The following ZSCAN29 variants were observed in gnomAD, a reference collection of about 807,000 sequenced individuals.
The protein encoded by ZSCAN29 is zinc finger and SCAN domain containing 29.
In ZSCAN29, 55 loss-of-function variants were observed where a neutral mutation model predicts 71.9. That is an observed-to-expected ratio of 0.76 (90% CI 0.62 to 0.96). The LOEUF (loss-of-function observed/expected upper bound fraction) is 0.96. Among genes scored for constraint, ZSCAN29 ranks in the 40% least tolerant of loss-of-function variants. ZSCAN29 has a pLI of 0.00. For synonymous variants in ZSCAN29, 351 were observed against 371.6 expected (o/e 0.94, Z 0.64); for missense variants, 1,042 against 1,042.2 (o/e 1.00, Z 0.00).
chr15:43,370,995 C>CCCGGCCCCGGCCCCGGCT lies in ZSCAN29; in HGVS notation c.-551_-550insAGCCGGGGCCGGGGCCGG, dbSNP rs2044105656. The CCCGGCCCCGGCCCCGGCT allele has an allele frequency of 3.0e-6, 1 of 330,412 alleles. No homozygotes were observed. Among genetic ancestry groups the CCCGGCCCCGGCCCCGGCT allele is most frequent in the East Asian group, 7.2e-5 (1 of 13,816 alleles). The allele number at this position is 330,412 out of a possible 1,614,324, so 20.5% of individuals were successfully genotyped here. On this transcript the variant is annotated 5_prime_UTR_variant, in exon 1 of 6. Coordinates refer to ENST00000684362, the MANE Select transcript of ZSCAN29 (RefSeq NM_001372080.1). ...CCCTGACCCCGGCCCCGGCCCCGGC[C>CCCGGCCCCGGCCCCGGCT]CCGGCCCCGGCTCTCCAGCCTCCCA...
rs766644002 is a variant in ZSCAN29, at chr15:43,361,113, T to C, written c.2519A>G (p.His840Arg). ...CTGTGTCAGAAGCTTTTCCCGTGCA[T>C]GGATTTCTCCGTGCTTATTAAGGGC... ...SSALNKHGEI[H>R]AREKLLTQSA... Residue 840 changes from histidine to arginine, a missense_variant, in exon 6 of 6, where the codon CAT (histidine) becomes CGT (arginine). Coordinates refer to ENST00000684362, the MANE Select transcript of ZSCAN29 (RefSeq NM_001372080.1). 28 of 1,608,800 alleles carry C rather than the reference T, an allele frequency of 1.7e-5. No individual in the cohort carries two copies. The highest frequency in any genetic ancestry group is 2.3e-5 in the Non-Finnish European group (27 of 1,175,796).
rs1271813818 is a variant in ZSCAN29 at position 43,361,151 on chromosome 15, G to A, written c.2481C>T (p.Phe827=). The change falls in exon 6 of 6, where the codon TTC becomes TTT. Residue 827 remains phenylalanine, a synonymous_variant. Coordinates refer to ENST00000684362, the MANE Select transcript of ZSCAN29 (RefSeq NM_001372080.1). ...GCTTATTAAGGGCAGAGCTTTTACT[G>A]AAGCACTTACCACAGTCATGACACC... The part of the protein sequence containing the change: ...PYGCHDCGKC[F]SKSSALNKHG... 1 of 1,613,960 alleles carries A rather than the reference G, an allele frequency of 6.2e-7. No homozygotes were observed. The highest frequency in any genetic ancestry group is 1.3e-5 in the African/African-American group (1 of 74,938).
Position 43,366,123 on chromosome 15 carries a change from G to A in ZSCAN29, c.1209C>T (p.Phe403=). The change falls in exon 4 of 6, where the codon TTC becomes TTT. Residue 403 remains phenylalanine (F), a synonymous_variant. Coordinates refer to ENST00000684362, the MANE Select transcript of ZSCAN29 (RefSeq NM_001372080.1). Reference sequence around the variant, plus strand: ...AAAGCTTCTTACCACCTGGGCTTCTGAACACAACAGGTGCAGCTGAGTTGG... The same window carrying A: ...AAAGCTTCTTACCACCTGGGCTTCTAAACACAACAGGTGCAGCTGAGTTGG... ...QDPNSAAPVV[F]RSPGGVHWGY... 1 of 1,605,524 alleles carries A rather than the reference G, an allele frequency of 6.2e-7. No individual in the cohort carries two copies. Among genetic ancestry groups the A allele is most frequent in the African/African-American group, 1.3e-5 (1 of 74,382 alleles).
Position 43,366,260 on chromosome 15 carries a change from C to G in ZSCAN29, c.1072G>C (p.Glu358Gln). 6.2e-7 allele frequency: 1 copy of G among 1,613,584 alleles called. No homozygotes were observed. Among genetic ancestry groups the G allele is most frequent in the Non-Finnish European group, 8.5e-7 (1 of 1,180,040 alleles). ...SHSGLVGSDA[E>Q]TEEPGQRGWQ... The stretch of plus-strand genomic sequence containing the variant: ...CCCCTCTGCCCTGGCTCTTCAGTCT[C>G]AGCATCGCTGCCTACCAGGCCAGAG... Residue 358 changes from glutamate (E) to glutamine (Q), a missense_variant, in exon 4 of 6, where the codon GAG becomes CAG. Transcript: ENST00000684362.
In ZSCAN29 at chr15:43,366,614, C is replaced by T; in HGVS notation, c.718G>A (p.Asp240Asn). The T allele has an allele frequency of 6.2e-7, 1 of 1,614,256 alleles. No homozygotes were observed. The highest frequency in any genetic ancestry group is 8.5e-7 in the Non-Finnish European group (1 of 1,180,052). Residue 240 changes from aspartate (D) to asparagine (N), a missense_variant, in exon 4 of 6, where the codon GAT becomes AAT. Asp to Asn is a conservative substitution (Grantham distance 23). Coordinates refer to ENST00000684362, the MANE Select transcript of ZSCAN29 (RefSeq NM_001372080.1). ...CAGTGCACACCTGCCACCTTCTCAT[C>T]TTCAAAGCTCCAGTGATCCTGTTCC... ...WVEQDHWSFE[D>N]EKVAGVHWGY... is the part of the protein sequence containing the mutation.
At chr15:43,365,006 AAAGAG>A (rs1039763338) in intron 4 of ZSCAN29, among the ~76,000 whole-genome samples, 1 of 152,146 alleles carries the variant, frequency 6.6e-6, no homozygotes, top group African/African-American at 2.4e-5. Context: ...AAAAAAGGAA[AAAGAG>A]AATGAAGAAA....
Position 43,359,074 on chromosome 15 carries a change from C to G in ZSCAN29, c.*1999G>C, listed in dbSNP as rs1403696565. 2.0e-5 allele frequency: 3 copies of G among 152,246 alleles called. No individual in the cohort carries two copies. Among genetic ancestry groups the G allele is most frequent in the Non-Finnish European group, 4.4e-5 (3 of 68,052 alleles). The allele number at this position is 152,246 out of a possible 1,614,324, so 9.4% of individuals were successfully genotyped here. A position where few individuals can be genotyped will look rare whatever the true frequency, so the allele number is the denominator to read the frequency against. ...ACCCACCCAGCACTCAATTTTGCAA[C>G]TAGTTATGGAAAGTTCTTCCTATCA... On this transcript the variant is annotated 3_prime_UTR_variant, in exon 6 of 6. Transcript: ENST00000684362.
In ZSCAN29 at chr15:43,370,405, C is replaced by A. The variant is rs533733017; in HGVS notation, c.-113+153G>T. 46 of 153,502 alleles carry A rather than the reference C, an allele frequency of 3.0e-4. 1 individual carries two copies. The highest frequency in any genetic ancestry group is 2.4e-3 in the South Asian group (12 of 4,898). 9.5% of individuals were successfully genotyped at this position (153,502 alleles called of 1,614,324 possible). ...GGTCGCAGCTGATCTCCCCCAGTAT[C>A]TCCGCAGTCCTTCCCGAGGCCTTCT... On this transcript the variant is annotated intron_variant, in intron 1 of 5. Transcript: ENST00000684362.
chr15:43,362,302 G>T (rs2043990321), intron 5 of ZSCAN29, among the ~76,000 whole-genome samples: 1 of 151,926 alleles, frequency 6.6e-6, no homozygotes, highest in South Asian at 2.1e-4. Flanking sequence ...CCACATCTCG[G>T]GTCTGTCATA....
intron 2 of ZSCAN29, 182 bp downstream of exon 2, chr15:43,369,414 A>C: frequency 1.5e-6 from 1 of 650,806 alleles, no homozygotes; most frequent in Non-Finnish European, 2.5e-6. Context: ...ATGACAGGGT[A>C]GGTGAAGGTA....
In ZSCAN29 at chr15:43,366,327, G is replaced by T; in HGVS notation, c.1005C>A (p.Val335=). 1 of 1,613,264 alleles carries T rather than the reference G, an allele frequency of 6.2e-7. No homozygotes were observed. The highest frequency in any genetic ancestry group is 8.5e-7 in the Non-Finnish European group (1 of 1,180,044). The part of the protein sequence containing the change: ...EEMEALMSAQ[V]IALPSNGLEA... Reference sequence around the variant, plus strand: ...CCAGGCCATTACTGGGCAGGGCAATGACCTGAGCACTCATCAGGGCTTCCA... The same window carrying T: ...CCAGGCCATTACTGGGCAGGGCAATTACCTGAGCACTCATCAGGGCTTCCA... The change falls in exon 4 of 6, where the codon GTC becomes GTA. Residue 335 remains valine (V), a synonymous_variant. Transcript: ENST00000684362.
chr15:43,363,410 T>C (rs1392220576), intron 5 of ZSCAN29, among the ~76,000 whole-genome samples: 1 of 152,204 alleles, frequency 6.6e-6, no homozygotes, highest in Non-Finnish European at 1.5e-5. Flanking sequence ...TTTTTTCTTA[T>C]CTAGCAGCTA....
chr15:43,365,645 C>T (rs1409650730), intron 4 of ZSCAN29, among the ~76,000 whole-genome samples: 2 of 152,166 alleles, frequency 1.3e-5, no homozygotes, highest in Non-Finnish European at 2.9e-5. Flanking sequence ...CAACTTTGGA[C>T]AATTCTTCAC....
chr15:43,367,195 T>A (rs1310458486), intron 3 of ZSCAN29, among the ~76,000 whole-genome samples: 7 of 152,174 alleles, frequency 4.6e-5, no homozygotes, highest in Non-Finnish European at 7.4e-5. Context: ...CCTTATCCGT[T>A]TCCTTCACAG....
chr15:43,367,898 G>A (rs1279427528), intron 3 of ZSCAN29, among the ~76,000 whole-genome samples: 1 of 152,132 alleles, frequency 6.6e-6, no homozygotes, highest in Non-Finnish European at 1.5e-5. Context: ...CAAATTTTAA[G>A]TGAAATGGTA....
chr15:43,360,502 G>GA lies in ZSCAN29; in HGVS notation c.*570_*571insT. The GA allele has an allele frequency of 2.0e-5, 3 of 152,488 alleles. No homozygotes were observed. Among genetic ancestry groups the GA allele is most frequent in the African/African-American group, 7.2e-5 (3 of 41,452 alleles). 9.4% of individuals were successfully genotyped at this position (152,488 alleles called of 1,614,324 possible). On this transcript the variant is annotated 3_prime_UTR_variant, in exon 6 of 6. Transcript: ENST00000684362. Reference sequence around the variant, plus strand: ...AATATAAAATTAGCTGGGCATGGTGGCGCATGCTTGTAATTCCAGCCACTT... The same window carrying GA: ...AATATAAAATTAGCTGGGCATGGTGGACGCATGCTTGTAATTCCAGCCACTT...
rs79786746 is a variant in ZSCAN29 at position 43,360,831 on chromosome 15, A to G, written c.*242T>C. 7 of 499,474 alleles carry G rather than the reference A, an allele frequency of 1.4e-5. No homozygotes were observed. The highest frequency in any genetic ancestry group is 3.2e-5 in the East Asian group (1 of 31,462). 30.9% of individuals were successfully genotyped at this position (499,474 alleles called of 1,614,324 possible). A position where few individuals can be genotyped will look rare whatever the true frequency, so the allele number is the denominator to read the frequency against. ...GGAACACCATAGGCACTGAGAGGGA[A>G]AAGATGTTATCCATCAATTCAGATG... On this transcript the variant is annotated 3_prime_UTR_variant, in exon 6 of 6. Transcript: ENST00000684362.
At position 43,370,975 on chromosome 15, in the gene ZSCAN29, ACCCCGG is replaced by A. The variant is rs11279953; in HGVS notation, c.-536_-531del. 0.43 allele frequency: 111,126 copies of A among 258,998 alleles called. 27,986 individuals carry two copies. The highest frequency in any genetic ancestry group is 0.79 in the African/African-American group (34,951 of 44,438). 16.0% of individuals were successfully genotyped at this position (258,998 alleles called of 1,614,324 possible). ...CTCACCCACTCGGGGTCCGACCCTGACCCCGGCCCCGGCCCCGGCCCCGGCCCCGGC... is the reference window on the plus strand; with the variant it reads ...CTCACCCACTCGGGGTCCGACCCTGACCCCGGCCCCGGCCCCGGCCCCGGC... On this transcript the variant is annotated 5_prime_UTR_variant, in exon 1 of 6. Transcript: ENST00000684362.
Position 43,369,040 on chromosome 15 carries a change from C to G in ZSCAN29, c.406G>C (p.Glu136Gln). The G allele has an allele frequency of 6.2e-7, 1 of 1,612,790 alleles. No homozygotes were observed. Among genetic ancestry groups the G allele is most frequent in the Non-Finnish European group, 8.5e-7 (1 of 1,179,438 alleles). The change falls in exon 3 of 6, where the codon GAG becomes CAG. Residue 136 changes from glutamate (E) to glutamine (Q), a missense_variant. Physicochemically the swap from Glu to Gln is conservative, Grantham distance 29 (BLOSUM62 2). Coordinates refer to ENST00000684362, the MANE Select transcript of ZSCAN29 (RefSeq NM_001372080.1). ...SSQELLSVRQ[E>Q]SVEPQPRGVP... ...CCCCTGGGCTGGGGTTCCACTGACT[C>G]CTGCCGAACACTTAATAACTCTTGT... is the stretch of plus-strand genomic sequence containing the variant.
Sources: gnomAD v4.1 joint callset for allele counts (sites outside exome capture counted in the v4.1 genomes callset) on GRCh38, gnomAD v4.1.1 for gene constraint, MANE v1.5 for transcripts, NCBI Gene and HGNC (gene_info 2026-07-23, HGNC 2026-07-21) for gene names.